COL4A3: variants seen among roughly 807,000 people sequenced by gnomAD.
The protein encoded by COL4A3 is collagen alpha-3(IV) chain.
COL4A3 carries 135 observed loss-of-function variants against 217.4 expected under a neutral mutation model. That is an observed-to-expected ratio of 0.62 (90% CI 0.54 to 0.72). The LOEUF is 0.72. COL4A3 is among the 30% of genes least tolerant of loss of function. The pLI is 0.00. For missense variants in COL4A3, 1,868 were observed against 2,119.9 expected (o/e 0.88, Z 2.33); for synonymous variants, 690 against 736.3 (o/e 0.94, Z 1.02).
chr2:227,191,671 A>G lies in COL4A3; in HGVS notation c.87+26858A>G, dbSNP rs1037235246. On this transcript the variant is annotated intron_variant, in intron 1 of 51. Transcript: ENST00000396578. The surrounding 1 kb of genome is among the most constrained non-coding windows in gnomAD (Gnocchi z 6.8). ...GCTGAAGTTTTACATTATGGCCTGC[A>G]AGAAACTTTATTCTAATAAAAGACA... 6.6e-6 allele frequency among the ~76,000 whole-genome samples: 1 copy of G among 152,228 alleles called. No individual in the cohort carries two copies. The highest frequency in any genetic ancestry group is 2.4e-5 in the African/African-American group (1 of 41,462).
chr2:227,276,608 T>C (rs987066328), intron 27 of COL4A3, 131 bp downstream of exon 27: 2 of 735,158 alleles, frequency 2.7e-6, no homozygotes, highest in Admixed American at 4.1e-5. Context: ...CACAGGGCAG[T>C]GTCTTACCTG....
chr2:227,176,454 G>A (rs532496698), intron 1 of COL4A3, among the ~76,000 whole-genome samples: 8 of 152,152 alleles, frequency 5.3e-5, no homozygotes, highest in Admixed American at 2.0e-4. Context: ...TTTAAAACTC[G>A]TAACCTTCAG....
At chr2:227,202,341 C>T (rs866944993) in intron 1 of COL4A3, among the ~76,000 whole-genome samples, 1 of 152,114 alleles carries the variant, frequency 6.6e-6, no homozygotes. Flanking sequence ...CCATTTCCAA[C>T]TATAGGTGTT....
At chr2:227,261,803 G>A (rs753461067) in intron 20 of COL4A3, among the ~76,000 whole-genome samples, 2 of 152,262 alleles carry the variant, frequency 1.3e-5, no homozygotes, top group South Asian at 4.1e-4. Context: ...ATCATGAGTT[G>A]CATAAGGATA....
chr2:227,257,693 T>TA, intron 18 of COL4A3, 49 bp downstream of exon 18: 3 of 1,538,584 alleles, frequency 1.9e-6, no homozygotes, highest in Non-Finnish European at 2.7e-6. Context: ...TCAAGTTCTT[T>TA]AAAGTAGCAA....
Position 227,293,192 on chromosome 2 carries a change from G to C in COL4A3, c.3212G>C (p.Gly1071Ala). The change falls in exon 38 of 52, where the codon GGG (glycine) becomes GCG (alanine). Residue 1071 changes from glycine to alanine, a missense_variant and splice_region_variant. Physicochemically the swap from Gly to Ala is moderately conservative, Grantham distance 60 (BLOSUM62 0). Around this residue, in one of 2 missense-constraint regions of COL4A3, gnomAD observed 1,503 missense variants for 1,786.1 expected, o/e 0.84. Coordinates refer to ENST00000396578, the MANE Select transcript of COL4A3 (RefSeq NM_000091.5). ...TAAAGGTATTTGACTACATTTAAGG[G>C]GGATCCAGGACTGCCGGGTGATATG... ...GTRPGPPGPT[G>A]DPGLPGDMGK... 6.2e-7 allele frequency: 1 copy of C among 1,613,848 alleles called. No individual in the cohort carries two copies. The highest frequency in any genetic ancestry group is 8.5e-7 in the Non-Finnish European group (1 of 1,180,004).
chr2:227,219,160 A>T (rs538561387), intron 1 of COL4A3, among the ~76,000 whole-genome samples: 30 of 151,712 alleles, frequency 2.0e-4, no homozygotes, highest in African/African-American at 7.3e-4. Context: ...ATGCCCAGCT[A>T]ATTTTGTATT....
At chr2:227,304,317 A>G (rs1008170540) in intron 46 of COL4A3, 173 bp downstream of exon 46, 3 of 755,080 alleles carry the variant, frequency 4.0e-6, no homozygotes, top group African/African-American at 1.8e-5. Flanking sequence ...CAAATAAAAG[A>G]CCTTGGAATC....
intron 3 of COL4A3, among the ~76,000 whole-genome samples, chr2:227,242,205 G>A (rs1327704159): frequency 6.6e-6 from 1 of 152,058 alleles, no homozygotes; most frequent in Non-Finnish European, 1.5e-5. Flanking sequence ...TAAATCAGGG[G>A]TTCCCATGAC....
At chr2:227,272,159 A>G (rs971354720) in intron 25 of COL4A3, among the ~76,000 whole-genome samples, 1 of 152,216 alleles carries the variant, frequency 6.6e-6, no homozygotes, top group Non-Finnish European at 1.5e-5. Flanking sequence ...TTATGCTTAT[A>G]AAGTGACAGT....
At chr2:227,244,630 C>T (rs1445028700) in intron 4 of COL4A3, among the ~76,000 whole-genome samples, 4 of 152,114 alleles carry the variant, frequency 2.6e-5, no homozygotes, top group Non-Finnish European at 4.4e-5. Flanking sequence ...TAAAACTGCA[C>T]ATAGGTCAAC....
rs574878961 is a variant in COL4A3 at position 227,196,882 on chromosome 2, C to T, written c.87+32069C>T. Among the ~76,000 whole-genome samples the T allele has an allele frequency of 1.3e-4, 20 of 149,090 alleles. No homozygotes were observed. In the South Asian group the frequency reaches 4.2e-3, roughly 31 times the overall value. On this transcript the variant is annotated intron_variant, in intron 1 of 51. Coordinates refer to ENST00000396578, the MANE Select transcript of COL4A3 (RefSeq NM_000091.5). ...AGGTCATGTGGTTTGGATGTGTCCCCACCCAAATCTCATCTTGAATTGTGT... is the reference window on the plus strand; with the variant it reads ...AGGTCATGTGGTTTGGATGTGTCCCTACCCAAATCTCATCTTGAATTGTGT...
At chr2:227,185,920 A>C (rs924871813) in intron 1 of COL4A3, among the ~76,000 whole-genome samples, 1 of 152,202 alleles carries the variant, frequency 6.6e-6, no homozygotes, top group Admixed American at 6.5e-5. Context: ...CAGACTGAGG[A>C]AGAAGAGGGA....
chr2:227,256,147 T>G (rs939491645), intron 16 of COL4A3, 77 bp downstream of exon 16: 2 of 1,413,558 alleles, frequency 1.4e-6, no homozygotes, highest in African/African-American at 2.8e-5. Context: ...TTAAAATCAC[T>G]AAATAGTTAT....
intron 43 of COL4A3, among the ~76,000 whole-genome samples, chr2:227,299,120 G>A (rs1205730235): frequency 6.6e-6 from 1 of 152,222 alleles, no homozygotes; most frequent in African/African-American, 2.4e-5. Context: ...GATCGGCCGG[G>A]CATGGTGGCT....
chr2:227,232,175 G>T (rs2125862845), intron 1 of COL4A3, among the ~76,000 whole-genome samples: 1 of 152,300 alleles, frequency 6.6e-6, no homozygotes, highest in South Asian at 2.1e-4. Flanking sequence ...ACTCCATTGT[G>T]TATATGTACC....
chr2:227,230,469 A>T (rs552641417), intron 1 of COL4A3, among the ~76,000 whole-genome samples: 92 of 152,294 alleles, frequency 6.0e-4, no homozygotes, highest in African/African-American at 2.1e-3. Context: ...AAATCATAAA[A>T]ATGTTGCTTA....
chr2:227,226,475 G>GTT (rs35834157), intron 1 of COL4A3, among the ~76,000 whole-genome samples: 43,899 of 143,914 alleles, frequency 0.31, 6,660 homozygotes, highest in Middle Eastern at 0.37. Context: ...TGTTAGGTTT[G>GTT]TTTTTTTTTT....
At chr2:227,246,884 G>GT (rs2069381443) in intron 7 of COL4A3, 146 bp downstream of exon 7, 2 of 783,120 alleles carry the variant, frequency 2.6e-6, no homozygotes, top group African/African-American at 3.4e-5. Flanking sequence ...GTTAGGGAAT[G>GT]GATGAATACA....
Sources: gnomAD v4.1 joint callset for allele counts (sites outside exome capture counted in the v4.1 genomes callset) on GRCh38, gnomAD v4.1.1 for gene constraint, gnomAD v4.1.1 regional missense constraint, Gnocchi (gnomAD v3.1) non-coding constraint, MANE v1.5 for transcripts, NCBI Gene and HGNC (gene_info 2026-07-23, HGNC 2026-07-21) for gene names.